Variants in YWHAQ observed in about 807,000 individuals in gnomAD.
The protein encoded by YWHAQ is tyrosine 3-monooxygenase/tryptophan 5-monooxygenase activation protein theta, also known as 14-3-3 protein theta.
In YWHAQ, 6 loss-of-function variants were observed where a neutral mutation model predicts 28.3. That is an observed-to-expected ratio of 0.21 (90% CI 0.12 to 0.42). YWHAQ has a LOEUF of 0.42. Ranked by LOEUF, YWHAQ falls within the 10% of genes least tolerant of loss-of-function variation. YWHAQ has a pLI of 1.00. For missense variants in YWHAQ, 201 were observed against 305.6 expected (o/e 0.66, Z 2.55); for synonymous variants, 143 against 119.1 (o/e 1.20, Z -1.31).
At chr2:9,612,492 C>T (rs189484522) in intron 2 of YWHAQ, among the ~76,000 whole-genome samples, 256 of 152,240 alleles carry the variant, frequency 1.7e-3, no homozygotes, top group Non-Finnish European at 2.7e-3. Flanking sequence ...ATCCATTTTC[C>T]TCTGTACTAT....
intron 2 of YWHAQ, among the ~76,000 whole-genome samples, chr2:9,607,366 T>TA (rs1219129424): frequency 6.6e-6 from 1 of 151,136 alleles, no homozygotes; most frequent in Non-Finnish European, 1.5e-5. Context: ...CATGCCCAGC[T>TA]AATTTTTTTT....
In YWHAQ at chr2:9,588,293, C is replaced by A. The variant is rs371354151; in HGVS notation, c.454G>T (p.Ala152Ser). ...IDNSQGAYQE[A>S]FDISKKEMQP... Reference sequence around the variant, plus strand: ...ATCTCTTTCTTGCTTATATCAAATGCCTCTTGGTAAGCTCCTTGGGAATTA... The same window carrying A: ...ATCTCTTTCTTGCTTATATCAAATGACTCTTGGTAAGCTCCTTGGGAATTA... Residue 152 changes from alanine (A) to serine (S), a missense_variant, in exon 4 of 6, where the codon GCA becomes TCA. Physicochemically the swap from Ala to Ser is moderately conservative, Grantham distance 99. Coordinates refer to ENST00000238081, the MANE Select transcript of YWHAQ (RefSeq NM_006826.4). 6.2e-7 allele frequency: 1 copy of A among 1,609,090 alleles called. No homozygotes were observed. Among genetic ancestry groups the A allele is most frequent in the African/African-American group, 1.3e-5 (1 of 74,398 alleles).
chr2:9,585,862 A>G (rs1002885441), intron 5 of YWHAQ, among the ~76,000 whole-genome samples: 3 of 150,690 alleles, frequency 2.0e-5, no homozygotes, highest in South Asian at 2.1e-4. Flanking sequence ...GGAGTGATCC[A>G]TGATTATGAC....
chr2:9,615,948 G>A (rs1280541332), intron 2 of YWHAQ, among the ~76,000 whole-genome samples: 3 of 152,116 alleles, frequency 2.0e-5, no homozygotes, highest in Non-Finnish European at 4.4e-5. Context: ...ACACTGGATG[G>A]TGCTAGGTAA....
At chr2:9,607,678 G>A (rs960632157) in intron 2 of YWHAQ, among the ~76,000 whole-genome samples, 12 of 150,632 alleles carry the variant, frequency 8.0e-5, no homozygotes, top group African/African-American at 2.9e-4. Context: ...ATATGAAATG[G>A]TAACACATTT....
intron 2 of YWHAQ, among the ~76,000 whole-genome samples, chr2:9,605,513 CT>C (rs1166414670): frequency 6.6e-6 from 1 of 152,136 alleles, no homozygotes; most frequent in Non-Finnish European, 1.5e-5. Context: ...TTCTTGTCCC[CT>C]GCCCAAGGCA....
intron 2 of YWHAQ, among the ~76,000 whole-genome samples, chr2:9,616,742 G>A (rs891531156): frequency 1.8e-4 from 27 of 152,298 alleles, no homozygotes; most frequent in African/African-American, 6.0e-4. Flanking sequence ...TAGAGAAACT[G>A]GAACTCTCTT....
chr2:9,627,999 G>A (rs1468885623), intron 2 of YWHAQ, among the ~76,000 whole-genome samples: 1 of 152,112 alleles, frequency 6.6e-6, no homozygotes, highest in East Asian at 1.9e-4. Flanking sequence ...GGAATATTGT[G>A]GTATTTATGT....
chr2:9,613,811 G>GT (rs1666996386), intron 2 of YWHAQ, among the ~76,000 whole-genome samples: 1 of 152,072 alleles, frequency 6.6e-6, no homozygotes, highest in Admixed American at 6.5e-5. Context: ...AATTAACCAC[G>GT]TAAAAAAAAT....
At chr2:9,621,277 A>ACT (rs1206228848) in intron 2 of YWHAQ, among the ~76,000 whole-genome samples, 1 of 152,106 alleles carries the variant, frequency 6.6e-6, no homozygotes, top group East Asian at 1.9e-4. Flanking sequence ...TCTACTTAGC[A>ACT]CTCATCACCC....
At chr2:9,605,964 AT>A (rs1275288494) in intron 2 of YWHAQ, among the ~76,000 whole-genome samples, 1 of 152,082 alleles carries the variant, frequency 6.6e-6, no homozygotes. Flanking sequence ...TAGCTTTTCC[AT>A]TTAGTAAGCG....
At chr2:9,606,721 G>C (rs1300550519) in intron 2 of YWHAQ, among the ~76,000 whole-genome samples, 1 of 151,930 alleles carries the variant, frequency 6.6e-6, no homozygotes, top group East Asian at 1.9e-4. Flanking sequence ...CTAGAGAAGG[G>C]GTTTCACCAT....
intron 2 of YWHAQ, among the ~76,000 whole-genome samples, chr2:9,604,231 A>G (rs2125067440): frequency 6.6e-6 from 1 of 152,318 alleles, no homozygotes; most frequent in East Asian, 1.9e-4. Context: ...TAAGGTAACA[A>G]ACGAGAGACA....
At chr2:9,592,775 G>A (rs920098199) in intron 2 of YWHAQ, among the ~76,000 whole-genome samples, 1 of 152,016 alleles carries the variant, frequency 6.6e-6, no homozygotes, top group Non-Finnish European at 1.5e-5. Flanking sequence ...ATATTACAAA[G>A]CAAAATGAAA....
intron 2 of YWHAQ, among the ~76,000 whole-genome samples, chr2:9,613,855 C>T (rs111249333): frequency 9.5e-4 from 145 of 152,332 alleles, no homozygotes; most frequent in African/African-American, 3.1e-3. Flanking sequence ...TTCACCCTGT[C>T]TTCCAACTCA....
chr2:9,607,943 C>T (rs906611602), intron 2 of YWHAQ, among the ~76,000 whole-genome samples: 5 of 151,840 alleles, frequency 3.3e-5, no homozygotes, highest in East Asian at 1.9e-4. Context: ...GAACTCCTGA[C>T]GTAATCCGCC....
chr2:9,602,882 T>TAG, intron 2 of YWHAQ, among the ~76,000 whole-genome samples: 2 of 83,916 alleles, frequency 2.4e-5, no homozygotes, highest in Non-Finnish European at 4.6e-5. Context: ...TATATATATA[T>TAG]ATATATATAT....
At chr2:9,609,413 A>G (rs527448166) in intron 2 of YWHAQ, among the ~76,000 whole-genome samples, 1 of 152,342 alleles carries the variant, frequency 6.6e-6, no homozygotes, top group Non-Finnish European at 1.5e-5. Context: ...AAAAAAGTGG[A>G]AAAATTATAA....
intron 2 of YWHAQ, among the ~76,000 whole-genome samples, chr2:9,613,366 TAAAC>T (rs1666986428): frequency 1.3e-5 from 2 of 152,172 alleles, no homozygotes; most frequent in South Asian, 4.1e-4. Flanking sequence ...TGTCATGAAT[TAAAC>T]AATAAGTTGT....
Sources: gnomAD v4.1 joint callset for allele counts (sites outside exome capture counted in the v4.1 genomes callset) on GRCh38, gnomAD v4.1.1 for gene constraint, MANE v1.5 for transcripts, NCBI Gene and HGNC (gene_info 2026-07-23, HGNC 2026-07-21) for gene names.